The following RANBP17 variants were observed in gnomAD, a reference collection of about 807,000 sequenced individuals.
RANBP17 encodes the protein RAN binding protein 17, also known as ran-binding protein 17.
Under a neutral mutation model 141.2 loss-of-function variants are expected in RANBP17, and 158 were observed. The ratio of observed to expected loss-of-function variants is 1.12; its 90% CI spans 0.98 to 1.28. The LOEUF (loss-of-function observed/expected upper bound fraction) is 1.28, where lower values mean the gene tolerates loss of function less well. Among genes scored for constraint, RANBP17 ranks in the 50% most tolerant of loss-of-function variants. RANBP17 has a pLI of 0.00. For missense variants in RANBP17, 1,438 were observed against 1,290.7 expected, an observed-to-expected ratio of 1.11 and a Z score of -1.75; for synonymous variants, 430 against 450.0, an observed-to-expected ratio of 0.96 and a Z score of 0.56.
At chr5:171,195,033 T>G (rs1037051315) in intron 18 of RANBP17, among the ~76,000 whole-genome samples, 3 of 152,230 alleles carry the variant, frequency 2.0e-5, no homozygotes, top group African/African-American at 7.2e-5. Context: ...TGATTAGCTT[T>G]GGGTTTTACC....
At chr5:171,167,167 A>G (rs1759759415) in intron 14 of RANBP17, among the ~76,000 whole-genome samples, 1 of 152,228 alleles carries the variant, frequency 6.6e-6, no homozygotes, top group Non-Finnish European at 1.5e-5. Flanking sequence ...ACAGCAGAAC[A>G]CAACAGACCT....
At chr5:171,059,299 C>A (rs1783639245) in intron 14 of RANBP17, among the ~76,000 whole-genome samples, 1 of 152,100 alleles carries the variant, frequency 6.6e-6, no homozygotes. Context: ...GGTTTTAGGT[C>A]TAACATTTAA....
chr5:170,997,193 G>A (rs565629555), intron 14 of RANBP17, among the ~76,000 whole-genome samples: 6 of 152,230 alleles, frequency 3.9e-5, no homozygotes, highest in Admixed American at 6.5e-5. Context: ...GCCTTCTGCC[G>A]TGATTGTAAG....
chr5:171,171,940 C>A (rs1760128110), intron 16 of RANBP17, among the ~76,000 whole-genome samples: 1 of 151,894 alleles, frequency 6.6e-6, no homozygotes, highest in Non-Finnish European at 1.5e-5. Flanking sequence ...TTACTAAAGT[C>A]TAGTTGACAG....
At chr5:171,078,678 A>G (rs902424658) in intron 14 of RANBP17, among the ~76,000 whole-genome samples, 22 of 152,210 alleles carry the variant, frequency 1.4e-4, no homozygotes, top group Non-Finnish European at 2.6e-4. Flanking sequence ...TGCTAAATCT[A>G]TCAGTGCTCT....
At chr5:171,156,224 A>G (rs1758885158) in intron 14 of RANBP17, among the ~76,000 whole-genome samples, 1 of 152,122 alleles carries the variant, frequency 6.6e-6, no homozygotes, top group South Asian at 2.1e-4. Flanking sequence ...TCTGGGTTAC[A>G]TTCCAGTGAT....
At chr5:170,987,436 T>G (rs1423084640) in intron 14 of RANBP17, among the ~76,000 whole-genome samples, 2 of 151,698 alleles carry the variant, frequency 1.3e-5, no homozygotes, top group Non-Finnish European at 3.0e-5. Context: ...TTCAAGTTAA[T>G]GTACATACTG....
At chr5:171,158,431 A>G (rs922490099) in intron 14 of RANBP17, 2 of 192,044 alleles carry the variant, frequency 1.0e-5, no homozygotes, top group African/African-American at 4.7e-5. Flanking sequence ...TGTGAATTGC[A>G]TTTTCTGGTT....
At chr5:171,148,720 G>T (rs890557834) in intron 14 of RANBP17, among the ~76,000 whole-genome samples, 1 of 152,016 alleles carries the variant, frequency 6.6e-6, no homozygotes, top group Non-Finnish European at 1.5e-5. Context: ...GCCCTGTCAC[G>T]TACAGATATG....
rs1325201305 is a variant in RANBP17 at position 171,059,422 on chromosome 5, T to C, written c.1710+91045T>C. ...CCAGCACCATTTATTAAACAGGAAATCCTTTCCCCATTGCTTGTTTTTCTC... is the reference window on the plus strand; with the variant it reads ...CCAGCACCATTTATTAAACAGGAAACCCTTTCCCCATTGCTTGTTTTTCTC... On this transcript the variant is annotated intron_variant, in intron 14 of 27. Coordinates refer to ENST00000523189, the MANE Select transcript of RANBP17 (RefSeq NM_022897.5). 2.6e-5 allele frequency among the ~76,000 whole-genome samples: 4 copies of C among 152,322 alleles called. No homozygotes were observed. In the East Asian group the frequency reaches 5.8e-4, roughly 22 times the overall value.
chr5:171,092,702 G>A (rs1168186132), intron 14 of RANBP17, among the ~76,000 whole-genome samples: 2 of 152,088 alleles, frequency 1.3e-5, no homozygotes. Flanking sequence ...TTTTTCATAT[G>A]ATAGTGACAT....
intron 24 of RANBP17, among the ~76,000 whole-genome samples, chr5:171,255,538 A>G (rs1297950381): frequency 1.3e-5 from 2 of 152,212 alleles, no homozygotes; most frequent in African/African-American, 4.8e-5. Context: ...CATCTACACC[A>G]TACTTCATAG....
rs150493389 is a variant in RANBP17, at chr5:171,099,982, A to T, written c.1711-70148A>T. ...TTGATCGTGGTAGATAAGCTTTTTA[A>T]TGTTTTGCTGGATTCAGTTTGCCAG... On this transcript the variant is annotated intron_variant, in intron 14 of 27. Coordinates refer to ENST00000523189, the MANE Select transcript of RANBP17 (RefSeq NM_022897.5). 1.9e-3 allele frequency among the ~76,000 whole-genome samples: 288 copies of T among 152,244 alleles called. 1 individual carries two copies. The highest frequency in any genetic ancestry group is 6.1e-3 in the African/African-American group (255 of 41,532).
At chr5:170,893,610 G>A (rs985893868) in intron 4 of RANBP17, among the ~76,000 whole-genome samples, 6 of 151,918 alleles carry the variant, frequency 3.9e-5, no homozygotes, top group South Asian at 4.2e-4. Flanking sequence ...TGGCTAACAC[G>A]GTGAAACCCT....
At chr5:170,908,533 G>A (rs1161886520) in intron 5 of RANBP17, among the ~76,000 whole-genome samples, 1 of 150,808 alleles carries the variant, frequency 6.6e-6, no homozygotes, top group Admixed American at 6.7e-5. Context: ...GATAGAAAGG[G>A]GTAAAGGTTG....
chr5:170,882,465 A>C (rs892237481), intron 3 of RANBP17, among the ~76,000 whole-genome samples: 8 of 152,246 alleles, frequency 5.3e-5, no homozygotes, highest in African/African-American at 1.9e-4. Flanking sequence ...TTATCCACCA[A>C]ATAAGATTTT....
chr5:171,221,342 T>C (rs1763542588), intron 21 of RANBP17, among the ~76,000 whole-genome samples: 1 of 152,206 alleles, frequency 6.6e-6, no homozygotes, highest in African/African-American at 2.4e-5. Context: ...AGAATTTGTT[T>C]TAAAAATGTG....
chr5:171,063,867 C>T (rs1307452548), intron 14 of RANBP17, among the ~76,000 whole-genome samples: 10 of 152,250 alleles, frequency 6.6e-5, no homozygotes, highest in Non-Finnish European at 1.5e-4. Context: ...TGGGCAATGG[C>T]GGGCGCCCCT....
intron 14 of RANBP17, among the ~76,000 whole-genome samples, chr5:171,091,283 T>G (rs973255181): frequency 2.0e-5 from 3 of 152,236 alleles, no homozygotes; most frequent in African/African-American, 7.2e-5. Context: ...TCTAAGATTT[T>G]ACTTCCTCAC....
Sources: gnomAD v4.1 joint callset for allele counts (sites outside exome capture counted in the v4.1 genomes callset) on GRCh38, gnomAD v4.1.1 for gene constraint, MANE v1.5 for transcripts, NCBI Gene and HGNC (gene_info 2026-07-23, HGNC 2026-07-21) for gene names.